The following ALDH2 variants were observed in gnomAD, a reference collection of about 807,000 sequenced individuals.
ALDH2 encodes the protein aldehyde dehydrogenase 2 family member, also known as aldehyde dehydrogenase, mitochondrial.
A neutral mutation model predicts 59.6 loss-of-function variants in ALDH2; 44 were observed. That is an observed-to-expected ratio of 0.74 (90% CI 0.58 to 0.95). The LOEUF is 0.95. ALDH2 is among the 40% of genes least tolerant of loss of function. The pLI is 0.00. For missense variants in ALDH2, 570 were observed against 696.3 expected (o/e 0.82, Z 2.04); for synonymous variants, 291 against 284.0 (o/e 1.02, Z -0.25).
intron 1 of ALDH2, among the ~76,000 whole-genome samples, chr12:111,778,063 T>C (rs568680781): frequency 1.8e-4 from 28 of 152,144 alleles, no homozygotes; most frequent in Non-Finnish European, 3.7e-4. Flanking sequence ...GACTCCTTCC[T>C]GGGGCACTCT....
At chr12:111,791,558 G>C (rs2068359727) in intron 7 of ALDH2, 139 bp downstream of exon 7, 1 of 682,482 alleles carries the variant, frequency 1.5e-6, no homozygotes. Flanking sequence ...GGTACCAGGA[G>C]GGGTGGGGCA....
intron 12 of ALDH2, among the ~76,000 whole-genome samples, chr12:111,808,658 T>C (rs373783087): frequency 5.9e-5 from 9 of 152,042 alleles, no homozygotes; most frequent in African/African-American, 1.9e-4. Context: ...TGAGCCGAGA[T>C]TGCGCCACTG....
rs4646776 is a variant in ALDH2 at position 111,792,215 on chromosome 12, G to C, written c.898+52G>C. The C allele has an allele frequency of 8.0e-3, 11,006 of 1,367,344 alleles. 1,354 individuals carry two copies. In the East Asian group the frequency reaches 0.24, roughly 30 times the overall value. The allele number at this position is 1,367,344 out of a possible 1,614,324, so 84.7% of individuals were successfully genotyped here. On this transcript the variant is annotated intron_variant, in intron 8 of 12. Coordinates refer to ENST00000261733, the MANE Select transcript of ALDH2 (RefSeq NM_000690.4). ...GCCTTGAAGGTAGCCCTGGCCACCT[G>C]TGTTGTGGCTCCAGCCGATCCTGTC...
chr12:111,790,911 G>A (rs1173428834), intron 6 of ALDH2, among the ~76,000 whole-genome samples: 4 of 152,028 alleles, frequency 2.6e-5, no homozygotes, highest in South Asian at 2.1e-4. Flanking sequence ...AAAATCAGCT[G>A]GGTGGCATGC....
chr12:111,789,911 G>C lies in ALDH2; in HGVS notation c.529G>C (p.Gly177Arg), dbSNP rs1256200461. 1.2e-6 allele frequency: 2 copies of C among 1,614,184 alleles called. No homozygotes were observed. The highest frequency in any genetic ancestry group is 1.1e-5 in the South Asian group (1 of 91,084). Residue 177 changes from glycine (G) to arginine (R), a missense_variant, in exon 5 of 13, where the codon GGG becomes CGG. Coordinates refer to ENST00000261733, the MANE Select transcript of ALDH2 (RefSeq NM_000690.4). ...FFSYTRHEPV[G>R]VCGQIIPWNF... Reference sequence around the variant, plus strand: ...CAGCTACACACGCCATGAACCTGTGGGGGTGTGCGGGCAGATCATTCCGGT... The same window carrying C: ...CAGCTACACACGCCATGAACCTGTGCGGGTGTGCGGGCAGATCATTCCGGT...
chr12:111,791,537 ACGAC>A, intron 7 of ALDH2, 118 bp downstream of exon 7: 1 of 769,846 alleles, frequency 1.3e-6, no homozygotes. Flanking sequence ...TTCCTCCAGG[ACGAC>A]CCTGTAGGTA....
At chr12:111,773,617 A>G (rs572961614) in intron 1 of ALDH2, among the ~76,000 whole-genome samples, 260 of 152,300 alleles carry the variant, frequency 1.7e-3, no homozygotes, top group African/African-American at 5.6e-3. Flanking sequence ...AACTAAGGGC[A>G]TGTGTGTGAA....
intron 7 of ALDH2, among the ~76,000 whole-genome samples, 170 bp from the exon 8 acceptor site, chr12:111,791,891 G>T (rs1232243839): frequency 6.6e-6 from 1 of 152,082 alleles, no homozygotes; most frequent in African/African-American, 2.4e-5. Flanking sequence ...GACAGAGCGA[G>T]ACCCTGTCCA....
Position 111,812,921 on chromosome 12 carries a change from G to T in ALDH2, c.*3346G>T, listed in dbSNP as rs1031893058. Reference sequence around the variant, plus strand: ...AGAATACTGCAAAGAACCTTGGTAGGGGTGAATTGGAAAAAGTAGAGAAAT... The same window carrying T: ...AGAATACTGCAAAGAACCTTGGTAGTGGTGAATTGGAAAAAGTAGAGAAAT... On this transcript the variant is annotated 3_prime_UTR_variant, in exon 13 of 13. Coordinates refer to ENST00000261733, the MANE Select transcript of ALDH2 (RefSeq NM_000690.4). The T allele has an allele frequency of 6.6e-6, 1 of 152,100 alleles. No homozygotes were observed. The highest frequency in any genetic ancestry group is 2.4e-5 in the African/African-American group (1 of 41,412). The allele number at this position is 152,100 out of a possible 1,614,324, so 9.4% of individuals were successfully genotyped here. A position where few individuals can be genotyped will look rare whatever the true frequency, so the allele number is the denominator to read the frequency against.
At position 111,783,275 on chromosome 12, in the gene ALDH2, G is replaced by T. The variant is rs755761896; in HGVS notation, c.337G>T (p.Glu113Ter). Residue 113 changes from glutamate to a stop codon, truncating the protein, a stop_gained, in exon 3 of 13, where the codon GAG becomes TAG. Transcript: ENST00000261733. LOFTEE classifies it high-confidence loss of function. ...RLLNRLADLIERDRTYLAALE... is the reference protein window; with the variant it reads ...RLLNRLADLI ...GCTGAACCGCCTGGCCGATCTGATCGAGCGGGACCGGACCTACCTGGCGGT... is the reference window on the plus strand; with the variant it reads ...GCTGAACCGCCTGGCCGATCTGATCTAGCGGGACCGGACCTACCTGGCGGT... 13 of 1,611,658 alleles carry T rather than the reference G, an allele frequency of 8.1e-6. No homozygotes were observed. The East Asian group carries it at 2.5e-4, about 30-fold the overall frequency.
chr12:111,779,488 C>T (rs2068256482), intron 1 of ALDH2, among the ~76,000 whole-genome samples: 1 of 152,184 alleles, frequency 6.6e-6, no homozygotes, highest in Admixed American at 6.6e-5. Flanking sequence ...CTGTGCCAGG[C>T]CAAATGTCTG....
At position 111,791,167 on chromosome 12, in the gene ALDH2, G is replaced by T. The variant is rs2068355747; in HGVS notation, c.682-139G>T. 6.2e-6 allele frequency: 4 copies of T among 649,306 alleles called. No homozygotes were observed. The South Asian group carries it at 7.5e-5, about 12-fold the overall frequency. The allele number at this position is 649,306 out of a possible 1,614,324, so 40.2% of individuals were successfully genotyped here. A position where few individuals can be genotyped will look rare whatever the true frequency, so the allele number is the denominator to read the frequency against. On this transcript the variant is annotated intron_variant, in intron 6 of 12. Transcript: ENST00000261733. ...GTCCCATTTAGAATTCCCATGTAGTGCCCCATACAATTAGCTTCTGACCAC... is the reference window on the plus strand; with the variant it reads ...GTCCCATTTAGAATTCCCATGTAGTTCCCCATACAATTAGCTTCTGACCAC...
At chr12:111,796,073 C>T (rs2136021495) in intron 9 of ALDH2, among the ~76,000 whole-genome samples, 1 of 151,594 alleles carries the variant, frequency 6.6e-6, no homozygotes, top group Non-Finnish European at 1.5e-5. Context: ...TCAGCCTGGG[C>T]ACTACAGCAA....
At chr12:111,804,438 G>A (rs936939196) in intron 12 of ALDH2, among the ~76,000 whole-genome samples, 1 of 152,172 alleles carries the variant, frequency 6.6e-6, no homozygotes, top group African/African-American at 2.4e-5. Flanking sequence ...AATCTTTTCA[G>A]ATTTTCACCA....
At chr12:111,804,467 C>T (rs922127704) in intron 12 of ALDH2, among the ~76,000 whole-genome samples, 15 of 152,204 alleles carry the variant, frequency 9.9e-5, no homozygotes, top group Middle Eastern at 3.4e-3. Flanking sequence ...GGCTTTTCAC[C>T]GGGCACGGTG....
chr12:111,799,501 GTC>G (rs2068431675), intron 10 of ALDH2, among the ~76,000 whole-genome samples: 1 of 150,676 alleles, frequency 6.6e-6, no homozygotes, highest in Non-Finnish European at 1.5e-5. Context: ...TAAAGACAGG[GTC>G]TCTCTGTGTT....
intron 10 of ALDH2, chr12:111,799,688 G>T: frequency 2.1e-6 from 1 of 466,520 alleles, no homozygotes; most frequent in Non-Finnish European, 3.8e-6. Context: ...ATGGGATACT[G>T]TATGTAAAGC....
chr12:111,801,398 G>C (rs1047048689), intron 11 of ALDH2, among the ~76,000 whole-genome samples: 1 of 152,126 alleles, frequency 6.6e-6, no homozygotes, highest in Non-Finnish European at 1.5e-5. Flanking sequence ...ACATAACATT[G>C]AGTGAAAGAA....
rs978212756 is a variant in ALDH2 at position 111,812,105 on chromosome 12, T to A, written c.*2530T>A. Reference sequence around the variant, plus strand: ...TAGACAGGGAGAGAGAGAGACAGCTTACGCCATTATTTCTGCGTATCAGAG... The same window carrying A: ...TAGACAGGGAGAGAGAGAGACAGCTAACGCCATTATTTCTGCGTATCAGAG... On this transcript the variant is annotated 3_prime_UTR_variant, in exon 13 of 13. Transcript: ENST00000261733. 4 of 152,500 alleles carry A rather than the reference T, an allele frequency of 2.6e-5. No homozygotes were observed. Among genetic ancestry groups the A allele is most frequent in the African/African-American group, 9.7e-5 (4 of 41,440 alleles). The allele number at this position is 152,500 out of a possible 1,614,324, so 9.4% of individuals were successfully genotyped here.
Sources: gnomAD v4.1 joint callset for allele counts (sites outside exome capture counted in the v4.1 genomes callset) on GRCh38, gnomAD v4.1.1 for gene constraint, MANE v1.5 for transcripts, NCBI Gene and HGNC (gene_info 2026-07-23, HGNC 2026-07-21) for gene names.